PRKDC: variants seen among roughly 807,000 people sequenced by gnomAD.
PRKDC encodes the protein protein kinase, DNA-activated, catalytic subunit.
A neutral mutation model predicts 486.9 loss-of-function variants in PRKDC; 82 were observed. The observed-to-expected ratio is 0.17, with a 90% CI of 0.14 to 0.20. PRKDC has a LOEUF of 0.20. PRKDC is among the 10% of genes least tolerant of loss of function. The probability of loss-of-function intolerance (pLI) is 1.00; values close to 1 mark genes in which losing one functional copy is unlikely to be tolerated. For missense variants in PRKDC, 4,504 were observed against 5,038.2 expected (o/e 0.89, Z 3.21); for synonymous variants, 1,895 against 1,837.0 (o/e 1.03, Z -0.81).
At position 47,774,384 on chromosome 8, in the gene PRKDC, A is replaced by G. The variant is rs1363712333; in HGVS notation, c.12183-7T>C. On this transcript the variant is annotated splice_polypyrimidine_tract_variant and splice_region_variant and intron_variant, in intron 85 of 85. Coordinates refer to ENST00000314191, the MANE Select transcript of PRKDC (RefSeq NM_006904.7). The stretch of plus-strand genomic sequence containing the variant: ...ACCCAGGAGTAGCTCATCACTGGAA[A>G]AAAAACAAACACAGAAAACACAAAG... The G allele has an allele frequency of 6.2e-7, 1 of 1,610,628 alleles. No individual in the cohort carries two copies. The highest frequency in any genetic ancestry group is 8.5e-7 in the Non-Finnish European group (1 of 1,178,992).
At chr8:47,839,926 G>T in intron 55 of PRKDC, 90 bp downstream of exon 55, 1 of 1,037,558 alleles carries the variant, frequency 9.6e-7, no homozygotes, top group Non-Finnish European at 1.4e-6. Context: ...GCAGTGACCT[G>T]TGTTTGTGCC....
In PRKDC at chr8:47,897,150, G is replaced by C; in HGVS notation, c.3598+11C>G. 1 of 1,582,752 alleles carries C rather than the reference G, an allele frequency of 6.3e-7. No homozygotes were observed. The highest frequency in any genetic ancestry group is 8.7e-7 in the Non-Finnish European group (1 of 1,155,610). ...ACCGTGGTGAAATTAAAGATATACA[G>C]ATTACCATACCTGGCAATAAAGGAA... is the stretch of plus-strand genomic sequence containing the variant. On this transcript the variant is annotated intron_variant, in intron 30 of 85. Coordinates refer to ENST00000314191, the MANE Select transcript of PRKDC (RefSeq NM_006904.7).
intron 61 of PRKDC, among the ~76,000 whole-genome samples, chr8:47,828,893 T>G (rs972976068): frequency 1.3e-5 from 2 of 152,222 alleles, no homozygotes; most frequent in African/African-American, 4.8e-5. Context: ...CATCAAAGGC[T>G]TCTTCTGAGC....
At chr8:47,828,913 C>T (rs934246336) in intron 61 of PRKDC, among the ~76,000 whole-genome samples, 5 of 152,150 alleles carry the variant, frequency 3.3e-5, no homozygotes, top group African/African-American at 1.2e-4. Context: ...CATCAGCTCC[C>T]GCAAATAGCA....
intron 54 of PRKDC, among the ~76,000 whole-genome samples, chr8:47,847,674 A>G (rs2088299836): frequency 6.6e-6 from 1 of 152,210 alleles, no homozygotes; most frequent in African/African-American, 2.4e-5. Flanking sequence ...GATTCTGTGC[A>G]GCAAGAGATA....
At chr8:47,872,091 GT>G (rs1171882007) in intron 40 of PRKDC, among the ~76,000 whole-genome samples, 2 of 152,146 alleles carry the variant, frequency 1.3e-5, no homozygotes. Context: ...TATAGACAGT[GT>G]AATAAGGTAT....
Position 47,782,649 on chromosome 8 carries a change from C to G in PRKDC, c.11176-51G>C. On this transcript the variant is annotated intron_variant, in intron 78 of 85. Coordinates refer to ENST00000314191, the MANE Select transcript of PRKDC (RefSeq NM_006904.7). This position sits in a 1 kb window ranked among gnomAD's most constrained non-coding sequence, Gnocchi z 4.9. ...GGGCACAGGCTAGCCACGTGTCAAACTCAGAGGGAAAAGCCAGAGTGGCTG... is the reference window on the plus strand; with the variant it reads ...GGGCACAGGCTAGCCACGTGTCAAAGTCAGAGGGAAAAGCCAGAGTGGCTG... 6.5e-7 allele frequency: 1 copy of G among 1,532,366 alleles called. No individual in the cohort carries two copies. The allele number at this position is 1,532,366 out of a possible 1,614,324, so 94.9% of individuals were successfully genotyped here. A position where few individuals can be genotyped will look rare whatever the true frequency, so the allele number is the denominator to read the frequency against.
intron 1 of PRKDC, among the ~76,000 whole-genome samples, chr8:47,959,601 C>T (rs1054083782): frequency 2.0e-5 from 3 of 151,892 alleles, no homozygotes; most frequent in Admixed American, 1.3e-4. Flanking sequence ...ATAGCTTGAA[C>T]CCGGGAGGCG....
At chr8:47,905,397 C>T (rs1055060609) in intron 25 of PRKDC, among the ~76,000 whole-genome samples, 8 of 152,290 alleles carry the variant, frequency 5.3e-5, no homozygotes, top group African/African-American at 1.9e-4. Context: ...GCAACAAAAG[C>T]TCATTGTTCC....
chr8:47,919,913 G>A (rs1484301601), intron 21 of PRKDC, among the ~76,000 whole-genome samples: 3 of 152,146 alleles, frequency 2.0e-5, no homozygotes, highest in Admixed American at 6.5e-5. Context: ...CACACTGAAA[G>A]TTGTGGGTTT....
intron 64 of PRKDC, among the ~76,000 whole-genome samples, chr8:47,822,389 A>T (rs1321941335): frequency 6.6e-6 from 1 of 152,202 alleles, no homozygotes; most frequent in East Asian, 1.9e-4. Context: ...ACTTTCAATC[A>T]CAATAACTTG....
At position 47,960,087 on chromosome 8, in the gene PRKDC, G is replaced by A. The variant is rs934836988; in HGVS notation, c.40C>T (p.Arg14Trp). 3 of 1,528,694 alleles carry A rather than the reference G, an allele frequency of 2.0e-6. No individual in the cohort carries two copies. Among genetic ancestry groups the A allele is most frequent in the East Asian group, 2.5e-5 (1 of 40,486 alleles). The allele number at this position is 1,528,694 out of a possible 1,614,324, so 94.7% of individuals were successfully genotyped here. ...GCAGCGGACAAGGTCTCCTGCAGCC[G>A]CAGCAGGGAGCAACGCACACCGGCT... ...SGAGVRCSLL[R>W]LQETLSAADR... The change falls in exon 1 of 86, where the codon CGG becomes TGG. Residue 14 changes from arginine (R) to tryptophan (W), a missense_variant. Arg to Trp is a moderately radical substitution (Grantham distance 101). Transcript: ENST00000314191.
intron 60 of PRKDC, 117 bp downstream of exon 60, chr8:47,831,697 G>T: frequency 8.8e-7 from 1 of 1,136,050 alleles, no homozygotes; most frequent in Non-Finnish European, 1.3e-6. Flanking sequence ...GAGCAGTCCC[G>T]CAACCTGGTT....
intron 63 of PRKDC, among the ~76,000 whole-genome samples, chr8:47,825,039 T>C (rs1271906437): frequency 1.3e-5 from 2 of 152,108 alleles, no homozygotes; most frequent in East Asian, 3.9e-4. Context: ...TTACAGAATG[T>C]TAGGGGTAAT....
intron 4 of PRKDC, 40 bp downstream of exon 4, chr8:47,955,834 A>G (rs1347184065): frequency 2.1e-6 from 3 of 1,450,272 alleles, no homozygotes; most frequent in Non-Finnish European, 2.8e-6. Context: ...TAAAAGTTAC[A>G]TGTTTAATGT....
intron 80 of PRKDC, chr8:47,779,327 A>C: frequency 2.5e-6 from 1 of 396,302 alleles, no homozygotes; most frequent in Admixed American, 4.2e-5. Context: ...TTGCCTATGA[A>C]AAATTCAGGT....
intron 21 of PRKDC, among the ~76,000 whole-genome samples, chr8:47,919,540 C>T (rs549491491): frequency 1.3e-5 from 2 of 152,188 alleles, no homozygotes; most frequent in Non-Finnish European, 2.9e-5. Flanking sequence ...AGGTGAGCTG[C>T]GCCGCGGGAG....
At chr8:47,843,402 C>T (rs2088195602) in intron 54 of PRKDC, among the ~76,000 whole-genome samples, 1 of 151,762 alleles carries the variant, frequency 6.6e-6, no homozygotes, top group African/African-American at 2.4e-5. Flanking sequence ...ATGTAAAAAT[C>T]CATTATATGT....
At chr8:47,858,219 A>C (rs532629096) in intron 48 of PRKDC, among the ~76,000 whole-genome samples, 17 of 148,856 alleles carry the variant, frequency 1.1e-4, no homozygotes, top group African/African-American at 4.2e-4. Flanking sequence ...TACTATAAGG[A>C]AAGAACGTTG....
Sources: allele counts gnomAD v4.1 joint callset (sites outside exome capture counted in the v4.1 genomes callset), GRCh38; gene constraint gnomAD v4.1.1; non-coding constraint Gnocchi (gnomAD v3.1); transcripts MANE v1.5; gene names NCBI Gene and HGNC (gene_info 2026-07-23, HGNC 2026-07-21).